The following MAPKAPK3 variants were observed in gnomAD, a reference collection of about 807,000 sequenced individuals.
MAPKAPK3 encodes the protein MAPK activated protein kinase 3, also known as MAP kinase-activated protein kinase 3.
A neutral mutation model predicts 49.2 loss-of-function variants in MAPKAPK3; 35 were observed. The ratio of observed to expected loss-of-function variants is 0.71; its 90% CI spans 0.54 to 0.94. MAPKAPK3 has a LOEUF of 0.94. Ranked by LOEUF, MAPKAPK3 falls within the 40% of genes least tolerant of loss-of-function variation. The probability of loss-of-function intolerance (pLI) is 0.00; values close to 1 mark genes in which losing one functional copy is unlikely to be tolerated. For synonymous variants in MAPKAPK3, 178 were observed against 188.7 expected (o/e 0.94, Z 0.46); for missense variants, 398 against 493.1 (o/e 0.81, Z 1.83).
At chr3:50,611,699 G>A, upstream of MAPKAPK3, 1 of 1,452,858 alleles carries the variant, frequency 6.9e-7, no homozygotes, top group Non-Finnish European at 9.1e-7. Context: ...CTGGACGGCG[G>A]CGGCTGGAGG....
At chr3:50,636,892 G>A (rs890143423) in intron 2 of MAPKAPK3, among the ~76,000 whole-genome samples, 2 of 152,036 alleles carry the variant, frequency 1.3e-5, no homozygotes, top group Non-Finnish European at 2.9e-5. Context: ...CTCCTGTGAT[G>A]TACTCTGCAG....
At chr3:50,629,178 G>A (rs2032840533) in intron 2 of MAPKAPK3, among the ~76,000 whole-genome samples, 1 of 152,168 alleles carries the variant, frequency 6.6e-6, no homozygotes, top group Non-Finnish European at 1.5e-5. Context: ...GTGGACTCAA[G>A]GTTCTTGGTC....
In MAPKAPK3 at chr3:50,641,770, A is replaced by G; in HGVS notation, c.423A>G (p.Arg141=). 6.2e-7 allele frequency: 1 copy of G among 1,613,682 alleles called. No homozygotes were observed. Among genetic ancestry groups the G allele is most frequent in the Non-Finnish European group, 8.5e-7 (1 of 1,179,632 alleles). Residue 141 remains arginine, a splice_region_variant and synonymous_variant, in exon 4 of 11, where the codon AGA becomes AGG. Transcript: ENST00000621469. ...GTGGCGACCAGGCTTTCACTGAGAG[A>G]GGTATGTGCATGTAGCTGGACCAGC... is the stretch of plus-strand genomic sequence containing the variant. ...QERGDQAFTE[R]EAAEIMRDIG...
rs765647492 is a variant in MAPKAPK3 at position 50,642,366 on chromosome 3, G to A, written c.504+34G>A. ...CCAGGATTCAGGTTGGGGGCCCGGG[G>A]AAGAGGATATTGTCCCACTCCACAA... is the stretch of plus-strand genomic sequence containing the variant. On this transcript the variant is annotated intron_variant, in intron 5 of 10. Transcript: ENST00000621469. 10 of 1,536,086 alleles carry A rather than the reference G, an allele frequency of 6.5e-6. No homozygotes were observed. The African/African-American group carries it at 1.1e-4, about 17-fold the overall frequency.
chr3:50,614,500 A>AGTGTGTGTGTGTGTGTGTGTGT (rs3066739), upstream of MAPKAPK3, among the ~76,000 whole-genome samples: 12 of 138,944 alleles, frequency 8.6e-5, no homozygotes, highest in African/African-American at 3.3e-4. Flanking sequence ...GTAAGGACAG[A>AGTGTGTGTGTGTGTGTGTGTGT]GTGTGTGTGT....
intron 2 of MAPKAPK3, among the ~76,000 whole-genome samples, chr3:50,624,945 A>C (rs1304734081): frequency 6.6e-6 from 1 of 152,204 alleles, no homozygotes; most frequent in Admixed American, 6.5e-5. Context: ...CCTGGAGAAC[A>C]TTAGTTCTAC....
At chr3:50,645,933 C>G in intron 7 of MAPKAPK3, 148 bp downstream of exon 7, 2 of 994,714 alleles carry the variant, frequency 2.0e-6, no homozygotes, top group Non-Finnish European at 3.1e-6. Context: ...CCCTTTTGGT[C>G]ATGGGACACC....
chr3:50,612,002 G>A (rs991793213), exon 1 of MAPKAPK3: 2 of 312,142 alleles, frequency 6.4e-6, no homozygotes, highest in African/African-American at 2.2e-5. Flanking sequence ...AGATTTCCAA[G>A]AACTTTCCAG....
chr3:50,631,680 G>A (rs1249161328), intron 2 of MAPKAPK3, among the ~76,000 whole-genome samples: 1 of 152,256 alleles, frequency 6.6e-6, no homozygotes, highest in African/African-American at 2.4e-5. Context: ...ATACAACTGG[G>A]AGCTGGGAGA....
chr3:50,629,690 G>A (rs1226571749), intron 2 of MAPKAPK3, among the ~76,000 whole-genome samples: 5 of 152,170 alleles, frequency 3.3e-5, no homozygotes, highest in African/African-American at 1.2e-4. Context: ...TAGCACTCAC[G>A]TTCCCACTGT....
At chr3:50,646,883 G>T (rs2033312527) in intron 9 of MAPKAPK3, 58 bp downstream of exon 9, 2 of 1,555,262 alleles carry the variant, frequency 1.3e-6, no homozygotes, top group Non-Finnish European at 8.9e-7. Flanking sequence ...GGGCTGCCGG[G>T]CAGGAGGGTG....
At chr3:50,635,525 C>A (rs1039216847) in intron 2 of MAPKAPK3, among the ~76,000 whole-genome samples, 4 of 127,428 alleles carry the variant, frequency 3.1e-5, no homozygotes, top group African/African-American at 1.2e-4. Context: ...TCAAGTGATT[C>A]TTCTGCCTCA....
chr3:50,617,738 T>C lies in MAPKAPK3; in HGVS notation c.173T>C (p.Val58Ala), dbSNP rs2032508951. 6.2e-7 allele frequency: 1 copy of C among 1,613,482 alleles called. No individual in the cohort carries two copies. Among genetic ancestry groups the C allele is most frequent in the Non-Finnish European group, 8.5e-7 (1 of 1,180,010 alleles). ...QVLGLGVNGK[V>A]LECFHRRTGQ... ...CTGGGCCTGGGTGTGAACGGCAAAGTGCTGGAGTGCTTCCATCGGCGCACT... is the reference window on the plus strand; with the variant it reads ...CTGGGCCTGGGTGTGAACGGCAAAGCGCTGGAGTGCTTCCATCGGCGCACT... The change falls in exon 2 of 11, where the codon GTG becomes GCG. Residue 58 changes from valine (V) to alanine (A), a missense_variant. Around this residue, in one of 5 missense-constraint regions of MAPKAPK3, gnomAD observed 123 missense variants for 117.7 expected, o/e 1.04. Transcript: ENST00000621469.
rs1407353794 is a variant in MAPKAPK3, at chr3:50,646,731, C to G, written c.830-9C>G. 1 of 1,612,472 alleles carries G rather than the reference C, an allele frequency of 6.2e-7. No homozygotes were observed. Among genetic ancestry groups the G allele is most frequent in the East Asian group, 2.2e-5 (1 of 44,852 alleles). Reference sequence around the variant, plus strand: ...CTCATCTCTCCCCTCTCTTCCCTGGCCCCCCTAGCCAAGCAGCTGATCCGC... The same window carrying G: ...CTCATCTCTCCCCTCTCTTCCCTGGGCCCCCTAGCCAAGCAGCTGATCCGC... On this transcript the variant is annotated splice_polypyrimidine_tract_variant and intron_variant, in intron 8 of 10. Transcript: ENST00000621469.
intron 2 of MAPKAPK3, among the ~76,000 whole-genome samples, chr3:50,632,901 G>C (rs544224010): frequency 6.6e-6 from 1 of 152,238 alleles, no homozygotes; most frequent in Non-Finnish European, 1.5e-5. Context: ...GCTGGATGGG[G>C]ACACCCATGT....
chr3:50,646,735 C>G lies in MAPKAPK3; in HGVS notation c.830-5C>G, dbSNP rs200989891. The G allele has an allele frequency of 5.4e-4, 878 of 1,613,880 alleles. 10 individuals are homozygous for G. In the South Asian group the frequency reaches 8.6e-3, roughly 16 times the overall value. On this transcript the variant is annotated splice_polypyrimidine_tract_variant and splice_region_variant and intron_variant, in intron 8 of 10. Transcript: ENST00000621469. Reference sequence around the variant, plus strand: ...TCTCTCCCCTCTCTTCCCTGGCCCCCCTAGCCAAGCAGCTGATCCGCCTCC... The same window carrying G: ...TCTCTCCCCTCTCTTCCCTGGCCCCGCTAGCCAAGCAGCTGATCCGCCTCC...
At chr3:50,634,298 C>T (rs2032979742) in intron 2 of MAPKAPK3, among the ~76,000 whole-genome samples, 2 of 151,908 alleles carry the variant, frequency 1.3e-5, no homozygotes, top group African/African-American at 2.4e-5. Flanking sequence ...TGTATGTGTA[C>T]GTCTGTGTGT....
At position 50,646,236 on chromosome 3, in the gene MAPKAPK3, T is replaced by C. The variant is rs2033293202; in HGVS notation, c.801T>C (p.Asn267=). ...GCCTGGGCCAGTACGGCTTCCCCAA[T>C]CCTGAGTGGTCAGAAGTCTCTGAGG... is the stretch of plus-strand genomic sequence containing the variant. ...RIRLGQYGFP[N]PEWSEVSEDA... is the part of the protein sequence containing the mutation. The change falls in exon 8 of 11, where the codon AAT becomes AAC. Residue 267 remains asparagine (N), a synonymous_variant. Coordinates refer to ENST00000621469, the MANE Select transcript of MAPKAPK3 (RefSeq NM_001243925.2). 4.3e-6 allele frequency: 7 copies of C among 1,614,096 alleles called. No homozygotes were observed. Among genetic ancestry groups the C allele is most frequent in the Non-Finnish European group, 5.9e-6 (7 of 1,180,002 alleles).
upstream of MAPKAPK3, chr3:50,611,868 G>T (rs1308101865): frequency 7.1e-6 from 4 of 563,372 alleles, no homozygotes; most frequent in Non-Finnish European, 1.1e-5. Flanking sequence ...TGTCTGCCGC[G>T]TTCCAGCCCT....
Sources: allele counts gnomAD v4.1 joint callset (sites outside exome capture counted in the v4.1 genomes callset), GRCh38; gene constraint gnomAD v4.1.1; regional missense constraint gnomAD v4.1.1; transcripts MANE v1.5; gene names NCBI Gene and HGNC (gene_info 2026-07-23, HGNC 2026-07-21).